Variants in TMPRSS4 observed in about 807,000 individuals in gnomAD.
TMPRSS4 encodes the protein transmembrane protease serine 4.
TMPRSS4 carries 45 observed loss-of-function variants against 56.4 expected under a neutral mutation model. That is an observed-to-expected ratio of 0.80 (90% confidence interval 0.63 to 1.02). The LOEUF (loss-of-function observed/expected upper bound fraction) is 1.02, where lower values mean the gene tolerates loss of function less well. Ranked by LOEUF, TMPRSS4 falls within the 50% of genes least tolerant of loss-of-function variation. TMPRSS4 has a pLI of 0.00. For missense variants in TMPRSS4, 546 were observed against 556.7 expected, an observed-to-expected ratio of 0.98 and a Z score of 0.19; for synonymous variants, 205 against 211.0, an observed-to-expected ratio of 0.97 and a Z score of 0.25.
intron 1 of TMPRSS4, among the ~76,000 whole-genome samples, chr11:118,085,226 CTT>C (rs67063759): frequency 0.016 from 2,211 of 141,824 alleles, 53 homozygotes; most frequent in African/African-American, 0.053. Flanking sequence ...TCTTCTTCTT[CTT>C]TTTTTTTTTT....
chr11:118,115,146 T>A lies in TMPRSS4; in HGVS notation c.1018T>A (p.Ser340Thr), dbSNP rs1947474896. 6 of 1,610,778 alleles carry A rather than the reference T, an allele frequency of 3.7e-6. No homozygotes were observed. The highest frequency in any genetic ancestry group is 5.1e-6 in the Non-Finnish European group (6 of 1,178,988). ...TGTTTTTACCCTCCCAGGGAAGATGTCTGACATACTGCTGCAGGCGTCAGT... is the reference window on the plus strand; with the variant it reads ...TGTTTTTACCCTCCCAGGGAAGATGACTGACATACTGCTGCAGGCGTCAGT... ...GFTKQNGGKM[S>T]DILLQASVQV... Residue 340 changes from serine (S) to threonine (T), a missense_variant, in exon 11 of 13, where the codon TCT becomes ACT. By Grantham distance (58) the Ser-to-Thr change is moderately conservative. Transcript: ENST00000437212.
chr11:118,097,521 T>C (rs1041292597), intron 2 of TMPRSS4, among the ~76,000 whole-genome samples: 10 of 152,208 alleles, frequency 6.6e-5, no homozygotes, highest in Non-Finnish European at 1.5e-4. Context: ...AGGGCAGAAG[T>C]CCCCATGGCA....
intron 1 of TMPRSS4, among the ~76,000 whole-genome samples, chr11:118,084,585 T>C (rs2135252499): frequency 6.6e-6 from 1 of 152,254 alleles, no homozygotes; most frequent in South Asian, 2.1e-4. Context: ...CAAACGAGAA[T>C]CCTCAACCCT....
At chr11:118,091,406 A>G (rs935988153) in intron 1 of TMPRSS4, among the ~76,000 whole-genome samples, 1 of 151,956 alleles carries the variant, frequency 6.6e-6, no homozygotes, top group African/African-American at 2.4e-5. Flanking sequence ...TCCCATTCTC[A>G]GTCTGCATCC....
chr11:118,091,747 G>T lies in TMPRSS4; in HGVS notation c.4-3069G>T, dbSNP rs190471627. Reference sequence around the variant, plus strand: ...CAGACAATTGATATCGACTTGACTAGACAAGAGTTAGATGAAAGGACTTTG... The same window carrying T: ...CAGACAATTGATATCGACTTGACTATACAAGAGTTAGATGAAAGGACTTTG... On this transcript the variant is annotated intron_variant, in intron 1 of 12. Transcript: ENST00000437212. Among the ~76,000 whole-genome samples, 13 of 152,302 alleles carry T rather than the reference G, an allele frequency of 8.5e-5. No homozygotes were observed. In the East Asian group the frequency reaches 2.5e-3, roughly 29 times the overall value.
At chr11:118,093,776 A>G (rs941694924) in intron 1 of TMPRSS4, among the ~76,000 whole-genome samples, 3 of 151,388 alleles carry the variant, frequency 2.0e-5, no homozygotes, top group Non-Finnish European at 4.4e-5. Flanking sequence ...AAGTTTTCCT[A>G]TGTTCCAGAA....
At chr11:118,084,397 A>C (rs1235559323) in intron 1 of TMPRSS4, among the ~76,000 whole-genome samples, 1 of 152,248 alleles carries the variant, frequency 6.6e-6, no homozygotes, top group Non-Finnish European at 1.5e-5. Context: ...CAGGTTATGC[A>C]ACTGCAAAGT....
At chr11:118,109,661 A>G (rs937133980) in intron 7 of TMPRSS4, among the ~76,000 whole-genome samples, 13 of 152,188 alleles carry the variant, frequency 8.5e-5, no homozygotes, top group Non-Finnish European at 1.5e-4. Flanking sequence ...AAAACAAGCA[A>G]TGTGGCTCAG....
At chr11:118,099,481 A>AAGAAAGAAATAAAGAAAG (rs141362371) in intron 3 of TMPRSS4, among the ~76,000 whole-genome samples, 2 of 141,812 alleles carry the variant, frequency 1.4e-5, no homozygotes, top group Non-Finnish European at 3.0e-5. Flanking sequence ...GAAAGAAAGA[A>AAGAAAGAAATAAAGAAAG]AAAGAAAGAA....
chr11:118,090,666 T>C (rs1407073079), intron 1 of TMPRSS4, among the ~76,000 whole-genome samples: 1 of 150,698 alleles, frequency 6.6e-6, no homozygotes, highest in African/African-American at 2.4e-5. Context: ...TAGTCCCAGC[T>C]ACTCAGGAGA....
At chr11:118,114,981 A>G in intron 10 of TMPRSS4, 54 bp downstream of exon 10, 1 of 1,556,728 alleles carries the variant, frequency 6.4e-7, no homozygotes, top group Non-Finnish European at 8.7e-7. Flanking sequence ...ATGAGGGAGC[A>G]GCTTCCAGAA....
rs1408860945 is a variant in TMPRSS4 at position 118,095,004 on chromosome 11, C to G, written c.43+149C>G. 6 of 808,964 alleles carry G rather than the reference C, an allele frequency of 7.4e-6. No individual in the cohort carries two copies. In the Admixed American group the frequency reaches 8.2e-5, roughly 11 times the overall value. The allele number at this position is 808,964 out of a possible 1,614,324, so 50.1% of individuals were successfully genotyped here. ...CATCCAGTCACCCGTCCATCCATCA[C>G]TCAGCAAACATTCCAGGATTCATTC... On this transcript the variant is annotated intron_variant, in intron 2 of 12. Transcript: ENST00000437212.
In TMPRSS4 at chr11:118,102,847, T is replaced by C. The variant is rs1946785056; in HGVS notation, c.158-254T>C. On this transcript the variant is annotated intron_variant, in intron 3 of 12. Transcript: ENST00000437212. ...AGGGTAAGAGGCAGTTACCAGCCTG[T>C]TTCTCCCACACACGTGACCTCTCTT... 6.3e-6 allele frequency: 3 copies of C among 474,820 alleles called. No individual in the cohort carries two copies. The South Asian group carries it at 9.2e-5, about 15-fold the overall frequency. The allele number at this position is 474,820 out of a possible 1,614,324, so 29.4% of individuals were successfully genotyped here.
At chr11:118,114,977 G>A (rs1947464281) in intron 10 of TMPRSS4, 50 bp downstream of exon 10, 6 of 1,561,576 alleles carry the variant, frequency 3.8e-6, no homozygotes, top group Non-Finnish European at 5.2e-6. Flanking sequence ...TTGTATGAGG[G>A]AGCAGCTTCC....
Position 118,107,782 on chromosome 11 carries a change from C to A in TMPRSS4, c.449C>A (p.Thr150Asn). Reference protein sequence around the residue: ...CRQMGYSSKPTFRAVEIGPDQ... With the variant: ...CRQMGYSSKPNFRAVEIGPDQ... ...CCTCTTGATGTGAGCAGCAAACCCACTTTCAGAGCTGTGGAGATTGGCCCA... is the reference window on the plus strand; with the variant it reads ...CCTCTTGATGTGAGCAGCAAACCCAATTTCAGAGCTGTGGAGATTGGCCCA... The change falls in exon 6 of 13, where the codon ACT becomes AAT. Residue 150 changes from threonine to asparagine, a missense_variant. Physicochemically the swap from Thr to Asn is moderately conservative, Grantham distance 65. Coordinates refer to ENST00000437212, the MANE Select transcript of TMPRSS4 (RefSeq NM_019894.4). The A allele has an allele frequency of 6.2e-7, 1 of 1,614,094 alleles. No homozygotes were observed. The highest frequency in any genetic ancestry group is 8.5e-7 in the Non-Finnish European group (1 of 1,179,978).
chr11:118,093,478 T>A (rs2135327752), intron 1 of TMPRSS4, among the ~76,000 whole-genome samples: 1 of 152,358 alleles, frequency 6.6e-6, no homozygotes, highest in Non-Finnish European at 1.5e-5. Flanking sequence ...AACCTTTGCC[T>A]GGCAGAAAGG....
chr11:118,098,379 T>C (rs1946529269), intron 2 of TMPRSS4, among the ~76,000 whole-genome samples: 1 of 152,236 alleles, frequency 6.6e-6, no homozygotes, highest in Non-Finnish European at 1.5e-5. Context: ...GTCTCTATTA[T>C]AACATATATT....
In TMPRSS4 at chr11:118,114,354, T is replaced by C. The variant is rs543102937; in HGVS notation, c.911-475T>C. Among the ~76,000 whole-genome samples the C allele has an allele frequency of 7.9e-5, 12 of 152,238 alleles. No individual in the cohort carries two copies. The South Asian group carries it at 2.3e-3, about 29-fold the overall frequency. ...TTATAATTCCTGAGAGAAAGGGACA[T>C]ACCCCACCCCCCAACACAGGGACAC... On this transcript the variant is annotated intron_variant, in intron 9 of 12. Coordinates refer to ENST00000437212, the MANE Select transcript of TMPRSS4 (RefSeq NM_019894.4).
intron 8 of TMPRSS4, 52 bp downstream of exon 8, chr11:118,111,952 C>A (rs1947297646): frequency 6.3e-7 from 1 of 1,577,120 alleles, no homozygotes. Flanking sequence ...AGTCAGGGAC[C>A]AGAGAGCTTG....
Sources: allele counts gnomAD v4.1 joint callset (sites outside exome capture counted in the v4.1 genomes callset), GRCh38; gene constraint gnomAD v4.1.1; transcripts MANE v1.5; gene names NCBI Gene and HGNC (gene_info 2026-07-23, HGNC 2026-07-21).